NUGGC: variants seen among roughly 807,000 people sequenced by gnomAD.
The protein encoded by NUGGC is nuclear GTPase, germinal center associated, also known as nuclear GTPase SLIP-GC.
NUGGC carries 58 observed loss-of-function variants against 92.6 expected under a neutral mutation model. That is an observed-to-expected ratio of 0.63 (90% CI 0.51 to 0.78). NUGGC has a LOEUF of 0.78. Among genes scored for constraint, NUGGC ranks in the 30% least tolerant of loss-of-function variants. NUGGC has a pLI of 0.00. For missense variants in NUGGC, 925 were observed against 964.6 expected (o/e 0.96, Z 0.54); for synonymous variants, 376 against 366.4 (o/e 1.03, Z -0.30).
In NUGGC at chr8:28,068,309, C is replaced by T. The variant is rs772544938; in HGVS notation, c.387G>A (p.Val129=). 10 of 1,555,480 alleles carry T rather than the reference C, an allele frequency of 6.4e-6. No individual in the cohort carries two copies. The South Asian group carries it at 9.5e-5, about 15-fold the overall frequency. The change falls in exon 5 of 19, where the codon GTG becomes GTA. Residue 129 remains valine (V), a synonymous_variant. Coordinates refer to ENST00000413272, the MANE Select transcript of NUGGC (RefSeq NM_001010906.2). ...AGGAAGTACATATGCTTTCTCCAGA[C>T]ACTGGTAGAAACATTGCTTGCTGGA... The part of the protein sequence containing the change: ...AIIQQAMFLP[V]SGESICTSCI...
At chr8:28,034,021 T>C (rs901886173) in intron 13 of NUGGC, among the ~76,000 whole-genome samples, 1 of 152,224 alleles carries the variant, frequency 6.6e-6, no homozygotes, top group African/African-American at 2.4e-5. Context: ...CAGTGTCTCA[T>C]CCATCTTTAT....
intron 6 of NUGGC, among the ~76,000 whole-genome samples, chr8:28,065,851 A>C (rs1292087336): frequency 1.3e-5 from 2 of 152,250 alleles, no homozygotes; most frequent in Non-Finnish European, 2.9e-5. Flanking sequence ...GACGGAGGAG[A>C]TAATAAAAGC....
In NUGGC at chr8:28,056,028, A is replaced by T. The variant is rs753230927; in HGVS notation, c.1143T>A (p.Ala381=). 1 of 1,566,720 alleles carries T rather than the reference A, an allele frequency of 6.4e-7. No homozygotes were observed. Among genetic ancestry groups the T allele is most frequent in the Non-Finnish European group, 8.7e-7 (1 of 1,152,684 alleles). Residue 381 remains alanine, a synonymous_variant, in exon 10 of 19, where the codon GCT becomes GCA. Coordinates refer to ENST00000413272, the MANE Select transcript of NUGGC (RefSeq NM_001010906.2). ...TTATCATTTCATTTCTTTCTAAAAC[A>T]GCCTCTCGCTGACTCTGAATAGCTT... ...GNQAIQSQRE[A]VLERNEMIKL...
At chr8:28,039,563 A>G (rs1165051517) in intron 13 of NUGGC, among the ~76,000 whole-genome samples, 1 of 152,148 alleles carries the variant, frequency 6.6e-6, no homozygotes, top group Non-Finnish European at 1.5e-5. Flanking sequence ...CTTTTACACA[A>G]AGCACACAGA....
intron 10 of NUGGC, among the ~76,000 whole-genome samples, chr8:28,051,297 A>G (rs1277021978): frequency 6.6e-6 from 1 of 152,214 alleles, no homozygotes; most frequent in East Asian, 1.9e-4. Context: ...GAGTCAGCTT[A>G]AAGGGTTCCC....
At chr8:28,040,887 C>T (rs148164810) in intron 13 of NUGGC, among the ~76,000 whole-genome samples, 164 bp downstream of exon 13, 7 of 152,120 alleles carry the variant, frequency 4.6e-5, no homozygotes, top group South Asian at 2.1e-4. Context: ...CCTTGTGATC[C>T]GCCCACCTCG....
intron 18 of NUGGC, 80 bp from the exon 19 acceptor site, chr8:28,023,542 C>A: frequency 7.3e-7 from 1 of 1,378,858 alleles, no homozygotes; most frequent in Non-Finnish European, 1.0e-6. Context: ...CCCCAACAAT[C>A]CTGTCACTTG....
At chr8:28,048,911 C>CT (rs1563221070) in intron 10 of NUGGC, among the ~76,000 whole-genome samples, 1 of 147,580 alleles carries the variant, frequency 6.8e-6, no homozygotes, top group Non-Finnish European at 1.5e-5. Flanking sequence ...TTGAGGGAGT[C>CT]TTTTTTTGTG....
chr8:28,049,782 T>C (rs1293778377), intron 10 of NUGGC, among the ~76,000 whole-genome samples: 1 of 152,158 alleles, frequency 6.6e-6, no homozygotes, highest in African/African-American at 2.4e-5. Context: ...GGAGAAAACG[T>C]GGAAGCTCAA....
At chr8:28,072,012 C>A (rs979440913) in intron 2 of NUGGC, among the ~76,000 whole-genome samples, 1 of 152,188 alleles carries the variant, frequency 6.6e-6, no homozygotes, top group Non-Finnish European at 1.5e-5. Context: ...ACAGATCTCC[C>A]AGACAATTCA....
Position 28,065,756 on chromosome 8 carries a change from G to A in NUGGC, c.712-1025C>T, listed in dbSNP as rs148320325. Among the ~76,000 whole-genome samples the A allele has an allele frequency of 3.3e-5, 5 of 152,334 alleles. No individual in the cohort carries two copies. In the East Asian group the frequency reaches 7.7e-4, roughly 23 times the overall value. On this transcript the variant is annotated intron_variant, in intron 6 of 18. Transcript: ENST00000413272. The stretch of plus-strand genomic sequence containing the variant: ...GAAAGATAAGAATGTCAGTTCTTAA[G>A]AGAGTTTAAATTAAATCGCTGGATT...
intron 2 of NUGGC, 69 bp from the exon 3 acceptor site, chr8:28,070,425 A>G: frequency 1.2e-6 from 1 of 815,196 alleles, no homozygotes; most frequent in Non-Finnish European, 2.0e-6. Flanking sequence ...CACCTCTATC[A>G]GCATAGAAAC....
At chr8:28,042,470 C>G (rs1307098470) in intron 12 of NUGGC, among the ~76,000 whole-genome samples, 2 of 152,248 alleles carry the variant, frequency 1.3e-5, no homozygotes, top group African/African-American at 2.4e-5. Context: ...CTTGTGCCCT[C>G]TGGGCCTTGC....
At chr8:28,058,632 G>A (rs1810211601) in intron 8 of NUGGC, among the ~76,000 whole-genome samples, 1 of 152,112 alleles carries the variant, frequency 6.6e-6, no homozygotes, top group South Asian at 2.1e-4. Context: ...ACTGGGCAAT[G>A]TGCCTCTGAA....
At chr8:28,043,254 G>A (rs979010001) in intron 12 of NUGGC, among the ~76,000 whole-genome samples, 4 of 152,184 alleles carry the variant, frequency 2.6e-5, no homozygotes, top group African/African-American at 9.6e-5. Context: ...AAGAAACAAA[G>A]AAGCTGGCAC....
chr8:28,081,273 C>A (rs57560166), intron 1 of NUGGC, among the ~76,000 whole-genome samples: 4 of 151,866 alleles, frequency 2.6e-5, no homozygotes, highest in African/African-American at 9.7e-5. Flanking sequence ...GAGTTGAGAT[C>A]GCACCACTGC....
At chr8:28,055,911 C>A in intron 10 of NUGGC, 54 bp downstream of exon 10, 3 of 1,024,622 alleles carry the variant, frequency 2.9e-6, no homozygotes, top group South Asian at 2.9e-5. Context: ...ATTTGTCTCC[C>A]AAAATCTAGT....
At chr8:28,047,650 A>G in intron 10 of NUGGC, 38 bp from the exon 11 acceptor site, 1 of 1,302,472 alleles carries the variant, frequency 7.7e-7, no homozygotes, top group Non-Finnish European at 1.1e-6. Flanking sequence ...AGAATAACTC[A>G]AACCATAGCA....
intron 1 of NUGGC, among the ~76,000 whole-genome samples, chr8:28,079,535 TAAA>T (rs1186316103): frequency 6.6e-6 from 1 of 151,818 alleles, no homozygotes; most frequent in Non-Finnish European, 1.5e-5. Flanking sequence ...GATTTCGTCT[TAAA>T]AAAAAGAATG....
Sources: allele counts gnomAD v4.1 joint callset (sites outside exome capture counted in the v4.1 genomes callset), GRCh38; gene constraint gnomAD v4.1.1; transcripts MANE v1.5; gene names NCBI Gene and HGNC (gene_info 2026-07-23, HGNC 2026-07-21).